Variants in AMPD1 observed in about 807,000 individuals in gnomAD.
AMPD1 encodes the protein adenosine monophosphate deaminase 1, also known as AMP deaminase 1.
Under a neutral mutation model 82.9 loss-of-function variants are expected in AMPD1, and 74 were observed. The observed-to-expected ratio is 0.89, with a 90% CI of 0.74 to 1.08. AMPD1 has a LOEUF of 1.08. AMPD1 is among the 50% of genes least tolerant of loss of function. The pLI is 0.00. For synonymous variants in AMPD1, 333 were observed against 320.5 expected (o/e 1.04, Z -0.42); for missense variants, 881 against 924.5 (o/e 0.95, Z 0.61).
chr1:114,684,064 G>T (rs925549231), intron 5 of AMPD1, 135 bp downstream of exon 5: 1 of 966,558 alleles, frequency 1.0e-6, no homozygotes, highest in Admixed American at 2.3e-5. Flanking sequence ...GGACACGTGA[G>T]GAAATGGGGC....
At position 114,680,809 on chromosome 1, in the gene AMPD1, A is replaced by C. The variant is rs557514004; in HGVS notation, c.548-331T>G. On this transcript the variant is annotated intron_variant, in intron 5 of 15. Transcript: ENST00000520113. ...TGGTGAAACCCCGTCTCTACTACAA[A>C]TACACAAATTAGCCAGGCTGTGGCG... Among the ~76,000 whole-genome samples, 11 of 152,238 alleles carry C rather than the reference A, an allele frequency of 7.2e-5. No homozygotes were observed. The East Asian group carries it at 1.9e-3, about 27-fold the overall frequency.
intron 10 of AMPD1, 45 bp downstream of exon 10, chr1:114,677,306 T>C (rs768893140): frequency 3.7e-6 from 6 of 1,608,542 alleles, no homozygotes; most frequent in Non-Finnish European, 5.1e-6. Context: ...TTGAAGCAGA[T>C]GAGACAAGGG....
chr1:114,678,739 A>G (rs929445775), intron 7 of AMPD1, among the ~76,000 whole-genome samples: 1 of 152,226 alleles, frequency 6.6e-6, no homozygotes, highest in Non-Finnish European at 1.5e-5. Flanking sequence ...GCTAGAGGCA[A>G]TAAGAATGCT....
rs747080047 is a variant in AMPD1, at chr1:114,686,822, A to T, written c.304T>A (p.Tyr102Asn). 1.9e-6 allele frequency: 3 copies of T among 1,613,978 alleles called. No individual in the cohort carries two copies. In the South Asian group the frequency reaches 3.3e-5, roughly 18 times the overall value. The change falls in exon 4 of 16, where the codon TAC becomes AAC. Residue 102 changes from tyrosine (Y) to asparagine (N), a missense_variant. Transcript: ENST00000520113. ...TGGTAGGTTGGAGATGAGGAAATGT[A>T]TTCATCAATGTGGGACAGTTTGGTG... ...SSTKLSHIDE[Y>N]ISSSPTYQTV... is the part of the protein sequence containing the mutation.
chr1:114,677,281 G>T, intron 10 of AMPD1, 70 bp downstream of exon 10: 1 of 1,587,072 alleles, frequency 6.3e-7, no homozygotes, highest in Non-Finnish European at 8.6e-7. Context: ...CACGTTCCTT[G>T]TTCATACAGG....
intron 4 of AMPD1, among the ~76,000 whole-genome samples, chr1:114,686,240 T>G (rs191503391): frequency 7.2e-5 from 11 of 152,266 alleles, no homozygotes; most frequent in Admixed American, 4.6e-4. Context: ...CTCTCTCATC[T>G]TCCTTCTTTT....
At chr1:114,693,594 A>G (rs1658585191) in intron 1 of AMPD1, 147 bp from the exon 2 acceptor site, 2 of 714,716 alleles carry the variant, frequency 2.8e-6, no homozygotes, top group Non-Finnish European at 5.1e-6. Context: ...TTCTGCCATC[A>G]GAAAGCTTGG....
rs770591649 is a variant in AMPD1 at position 114,688,671 on chromosome 1, A to T, written c.105T>A (p.Arg35=). 6.2e-7 allele frequency: 1 copy of T among 1,614,194 alleles called. No homozygotes were observed. Among genetic ancestry groups the T allele is most frequent in the Non-Finnish European group, 8.5e-7 (1 of 1,180,036 alleles). The change falls in exon 3 of 16, where the codon CGT becomes CGA. Residue 35 remains arginine (R), a synonymous_variant. Transcript: ENST00000520113. ...FASEVKDEGG[R]QEISPFDVDE... is the part of the protein sequence containing the mutation. ...CCACATCAAAGGGGGAAATCTCCTG[A>T]CGACCTCCTTCATCTTTGACTTCAG... is the stretch of plus-strand genomic sequence containing the variant.
In AMPD1 at chr1:114,677,468, G is replaced by A. The variant is rs780622405; in HGVS notation, c.1271C>T (p.Pro424Leu). The change falls in exon 10 of 16, where the codon CCC becomes CTC. Residue 424 changes from proline to leucine, a missense_variant. Physicochemically the swap from Pro to Leu is moderately conservative, Grantham distance 98 (BLOSUM62 -3). Coordinates refer to ENST00000520113, the MANE Select transcript of AMPD1 (RefSeq NM_000036.3). ...LVEAKYQHAE[P>L]RLSIYGRSPD... ...ACTGCGGCCATAGATGGACAGGCGG[G>A]GCTCAGCATGCTGGTACTTGGCCTC... 6.2e-7 allele frequency: 1 copy of A among 1,613,252 alleles called. No homozygotes were observed. Among genetic ancestry groups the A allele is most frequent in the South Asian group, 1.1e-5 (1 of 91,004 alleles).
At chr1:114,693,403 G>A (rs1170213582) in intron 2 of AMPD1, 33 bp downstream of exon 2, 2 of 1,603,974 alleles carry the variant, frequency 1.2e-6, no homozygotes, top group South Asian at 2.2e-5. Context: ...TTGATACTCT[G>A]ACAAATGGCA....
intron 8 of AMPD1, 89 bp downstream of exon 8, chr1:114,678,244 A>G: frequency 6.5e-7 from 1 of 1,534,160 alleles, no homozygotes. Flanking sequence ...AAGATGGTTA[A>G]GAGACCTCTG....
Position 114,677,343 on chromosome 1 carries a change from G to C in AMPD1, c.1388+8C>G. The C allele has an allele frequency of 1.2e-6, 2 of 1,609,828 alleles. No homozygotes were observed. Among genetic ancestry groups the C allele is most frequent in the Non-Finnish European group, 1.7e-6 (2 of 1,179,086 alleles). ...AGGCTCTAGAGTTTCTGATGGGCAG[G>C]TACATACTAGATCCTGGGAACCTGG... On this transcript the variant is annotated splice_region_variant and intron_variant, in intron 10 of 15. Transcript: ENST00000520113.
chr1:114,679,410 G>A (rs996341829), intron 7 of AMPD1, among the ~76,000 whole-genome samples, 169 bp downstream of exon 7: 7 of 152,180 alleles, frequency 4.6e-5, no homozygotes, highest in African/African-American at 1.4e-4. Flanking sequence ...GATAGAAATG[G>A]CACTTAACCC....
At position 114,678,346 on chromosome 1, in the gene AMPD1, A is replaced by G. The variant is rs772712902; in HGVS notation, c.1079T>C (p.Leu360Pro). ...GTTTCAACCTACAGCATGAACATCC[A>G]GAGAATCAACAGTCAGGTCATAAGG... ...MHPYDLTVDS[L>P]DVHAGRQTFQ... The change falls in exon 8 of 16, where the codon CTG (leucine) becomes CCG (proline). Residue 360 changes from leucine to proline, a missense_variant. Physicochemically the swap from Leu to Pro is moderately conservative, Grantham distance 98. This residue lies in a region of AMPD1 where 783 missense variants were observed against 786.4 expected (regional missense o/e 1.00). Coordinates refer to ENST00000520113, the MANE Select transcript of AMPD1 (RefSeq NM_000036.3). 7.4e-6 allele frequency: 12 copies of G among 1,614,100 alleles called. No homozygotes were observed. In the African/African-American group the frequency reaches 1.6e-4, roughly 22 times the overall value.
At chr1:114,687,236 A>G (rs72994428) in intron 3 of AMPD1, among the ~76,000 whole-genome samples, 4,577 of 152,204 alleles carry the variant, frequency 0.03, 226 homozygotes, top group African/African-American at 0.11. Context: ...TATGTCAGTT[A>G]CTACCTGTAT....
chr1:114,678,444 A>G lies in AMPD1; in HGVS notation c.981T>C (p.Ala327=). 6.2e-7 allele frequency: 1 copy of G among 1,614,222 alleles called. No homozygotes were observed. Among genetic ancestry groups the G allele is most frequent in the Non-Finnish European group, 8.5e-7 (1 of 1,180,018 alleles). Residue 327 remains alanine, a synonymous_variant, in exon 8 of 16, where the codon GCT becomes GCC. Coordinates refer to ENST00000520113, the MANE Select transcript of AMPD1 (RefSeq NM_000036.3). ...CTTTGGTGCTATAGACCACTCTGTCAGCATCAATTTGGTAAGATTTCTTAA... is the reference window on the plus strand; with the variant it reads ...CTTTGGTGCTATAGACCACTCTGTCGGCATCAATTTGGTAAGATTTCTTAA... ...RFIKKSYQID[A]DRVVYSTKEK...
rs1192318051 is a variant in AMPD1 at position 114,673,500 on chromosome 1, ATCCCTTCTAG to A, written c.2085+129_2085+138del. The A allele has an allele frequency of 3.4e-6, 3 of 877,396 alleles. No individual in the cohort carries two copies. The African/African-American group carries it at 5.0e-5, about 15-fold the overall frequency. The allele number at this position is 877,396 out of a possible 1,614,324, so 54.4% of individuals were successfully genotyped here. A position where few individuals can be genotyped will look rare whatever the true frequency, so the allele number is the denominator to read the frequency against. ...AAGGCACAGGCAAAGAGATAGAATA[ATCCCTTCTAG>A]TCCCTGTCCATAGTAACTGCATATG... On this transcript the variant is annotated intron_variant, in intron 15 of 15. Coordinates refer to ENST00000520113, the MANE Select transcript of AMPD1 (RefSeq NM_000036.3).
At chr1:114,679,047 A>T (rs1422070526) in intron 7 of AMPD1, among the ~76,000 whole-genome samples, 2 of 152,194 alleles carry the variant, frequency 1.3e-5, no homozygotes, top group Non-Finnish European at 2.9e-5. Flanking sequence ...TATATTTCCT[A>T]TTCCCACTTC....
Position 114,678,549 on chromosome 1 carries a change from GA to G in AMPD1, c.898-23del, listed in dbSNP as rs762951803. 6 of 1,603,054 alleles carry G rather than the reference GA, an allele frequency of 3.7e-6. No homozygotes were observed. The Admixed American group carries it at 6.7e-5, about 18-fold the overall frequency. Reference sequence around the variant, plus strand: ...CCACCTGTATGTATATTCAAAGAAAGAAAAAAACATCAATCAGCCTTAGTTA... The same window carrying G: ...CCACCTGTATGTATATTCAAAGAAAGAAAAAACATCAATCAGCCTTAGTTA... On this transcript the variant is annotated intron_variant, in intron 7 of 15. Coordinates refer to ENST00000520113, the MANE Select transcript of AMPD1 (RefSeq NM_000036.3).
Sources: gnomAD v4.1 joint callset for allele counts (sites outside exome capture counted in the v4.1 genomes callset) on GRCh38, gnomAD v4.1.1 for gene constraint, gnomAD v4.1.1 regional missense constraint, MANE v1.5 for transcripts, NCBI Gene and HGNC (gene_info 2026-07-23, HGNC 2026-07-21) for gene names.